NEMP2: variants seen among roughly 807,000 people sequenced by gnomAD.
NEMP2 encodes UPF0571 transmembrane protein.
NEMP2 carries 53 observed loss-of-function variants against 54.2 expected under a neutral mutation model. The ratio of observed to expected loss-of-function variants is 0.98; its 90% CI spans 0.78 to 1.23. The LOEUF (loss-of-function observed/expected upper bound fraction) is 1.23. NEMP2 is among the 50% of genes most tolerant of loss of function. NEMP2 has a pLI of 0.00. For missense variants in NEMP2, 455 were observed against 511.3 expected (o/e 0.89, Z 1.06); for synonymous variants, 197 against 190.3 (o/e 1.04, Z -0.29).
the NEMP2 span, among the ~76,000 whole-genome samples, chr2:190,449,662 A>AC: frequency 0.25 from 38,580 of 152,012 alleles, 5,413 homozygotes; most frequent in South Asian, 0.33. Flanking sequence ...TAGCACATAT[A>AC]ACCATGAAAT....
rs538378699 is a variant in NEMP2 at position 190,521,087 on chromosome 2, T to C, written c.214-1904A>G. On this transcript the variant is annotated intron_variant, in intron 2 of 8. Coordinates refer to ENST00000409150, the MANE Select transcript of NEMP2 (RefSeq NM_001142645.2). This position sits in a 1 kb window ranked among gnomAD's most constrained non-coding sequence, Gnocchi z 6.2. The stretch of plus-strand genomic sequence containing the variant: ...GCACACTGGTCTCACTTCAAATCCA[T>C]GACTGTGAACTTAAGAGAGGGACAT... Among the ~76,000 whole-genome samples the C allele has an allele frequency of 6.6e-6, 1 of 152,332 alleles. No homozygotes were observed. The highest frequency in any genetic ancestry group is 1.9e-4 in the East Asian group (1 of 5,188).
rs927186197 is a variant in NEMP2 at position 190,523,212 on chromosome 2, G to C, written c.213+2051C>G. On this transcript the variant is annotated intron_variant, in intron 2 of 8. Transcript: ENST00000409150. This position sits in a 1 kb window ranked among gnomAD's most constrained non-coding sequence, Gnocchi z 5.3. ...GAATAATATAACCAGACTGAAGGGGGAGTGGATTGGGATGAATTAACCTAA... is the reference window on the plus strand; with the variant it reads ...GAATAATATAACCAGACTGAAGGGGCAGTGGATTGGGATGAATTAACCTAA... Among the ~76,000 whole-genome samples, 5 of 152,124 alleles carry C rather than the reference G, an allele frequency of 3.3e-5. No individual in the cohort carries two copies. Among genetic ancestry groups the C allele is most frequent in the African/African-American group, 4.8e-5 (2 of 41,412 alleles).
chr2:190,472,369 A>T, the NEMP2 span, among the ~76,000 whole-genome samples: 2 of 152,218 alleles, frequency 1.3e-5, no homozygotes, highest in Admixed American at 6.5e-5. Context: ...TAACTACAAT[A>T]ACCAATGCAG....
At chr2:190,619,093 T>C in the NEMP2 span, among the ~76,000 whole-genome samples, 32 of 152,278 alleles carry the variant, frequency 2.1e-4, no homozygotes, top group East Asian at 4.4e-3. This position sits in a 1 kb window ranked among gnomAD's most constrained non-coding sequence, Gnocchi z 5.5. Flanking sequence ...TTAAGACTCA[T>C]AGTAGGACAG....
At chr2:190,516,103 C>G (rs1054765324) in intron 6 of NEMP2, among the ~76,000 whole-genome samples, 167 bp downstream of exon 6, 1 of 152,050 alleles carries the variant, frequency 6.6e-6, no homozygotes, top group Non-Finnish European at 1.5e-5. Context: ...GAACTGAAAT[C>G]AACAACAATG....
rs1690445252 is a variant in NEMP2 at position 190,513,549 on chromosome 2, C to G, written c.953+904G>C. Reference sequence around the variant, plus strand: ...CCAACTAAAATGTCTCATGGTTAAACCCCACTGTGTACAGGACTGGACTAG... The same window carrying G: ...CCAACTAAAATGTCTCATGGTTAAAGCCCACTGTGTACAGGACTGGACTAG... On this transcript the variant is annotated intron_variant, in intron 7 of 8. Transcript: ENST00000409150. The surrounding 1 kb of genome is among the most constrained non-coding windows in gnomAD (Gnocchi z 5.3). 6.6e-6 allele frequency among the ~76,000 whole-genome samples: 1 copy of G among 152,210 alleles called. No homozygotes were observed. The highest frequency in any genetic ancestry group is 2.1e-4 in the South Asian group (1 of 4,830).
the NEMP2 span, among the ~76,000 whole-genome samples, chr2:190,600,096 C>T: frequency 1.3e-4 from 20 of 152,136 alleles, no homozygotes; most frequent in African/African-American, 3.6e-4. This position sits in a 1 kb window ranked among gnomAD's most constrained non-coding sequence, Gnocchi z 4.9. Flanking sequence ...AATTAGTTTT[C>T]GAAGGTTTCT....
the NEMP2 span, among the ~76,000 whole-genome samples, chr2:190,582,496 T>C: frequency 3.3e-5 from 5 of 152,178 alleles, no homozygotes; most frequent in Admixed American, 1.3e-4. This position sits in a 1 kb window ranked among gnomAD's most constrained non-coding sequence, Gnocchi z 4.6. Context: ...TAAACTATGA[T>C]GTAAGGCTTT....
chr2:190,480,586 C>T, the NEMP2 span, among the ~76,000 whole-genome samples: 1 of 152,242 alleles, frequency 6.6e-6, no homozygotes. Flanking sequence ...ACCCTCACCT[C>T]ACTCTATAAG....
the NEMP2 span, chr2:190,465,072 C>A: frequency 4.1e-6 from 1 of 245,494 alleles, no homozygotes; most frequent in Non-Finnish European, 6.5e-6. This position sits in a 1 kb window ranked among gnomAD's most constrained non-coding sequence, Gnocchi z 4.6. Flanking sequence ...TATAAGATAA[C>A]CACAAATCAG....
At chr2:190,616,781 T>A in the NEMP2 span, 1 of 152,190 alleles carries the variant, frequency 6.6e-6, no homozygotes, top group Non-Finnish European at 1.5e-5. This position sits in a 1 kb window ranked among gnomAD's most constrained non-coding sequence, Gnocchi z 5.1. Flanking sequence ...AGTAATGTTT[T>A]ATAACATTTT....
At chr2:190,592,081 C>T in the NEMP2 span, among the ~76,000 whole-genome samples, 1 of 152,042 alleles carries the variant, frequency 6.6e-6, no homozygotes, top group South Asian at 2.1e-4. This position sits in a 1 kb window ranked among gnomAD's most constrained non-coding sequence, Gnocchi z 4.4. Flanking sequence ...TGCATATAGT[C>T]CTGTATTCTA....
At chr2:190,627,099 T>C in the NEMP2 span, among the ~76,000 whole-genome samples, 6 of 152,336 alleles carry the variant, frequency 3.9e-5, no homozygotes, top group South Asian at 1.2e-3. The surrounding 1 kb of genome is among the most constrained non-coding windows in gnomAD (Gnocchi z 4.4). Flanking sequence ...TTGGCAGTTA[T>C]GGTACTTTCT....
chr2:190,591,404 C>A, the NEMP2 span, among the ~76,000 whole-genome samples: 1 of 152,126 alleles, frequency 6.6e-6, no homozygotes, highest in Non-Finnish European at 1.5e-5. This position sits in a 1 kb window ranked among gnomAD's most constrained non-coding sequence, Gnocchi z 5.4. Flanking sequence ...TATTGTGATT[C>A]CACCTCCATG....
chr2:190,457,511 T>C, the NEMP2 span, among the ~76,000 whole-genome samples: 1 of 152,318 alleles, frequency 6.6e-6, no homozygotes, highest in South Asian at 2.1e-4. This position sits in a 1 kb window ranked among gnomAD's most constrained non-coding sequence, Gnocchi z 5.1. Context: ...ATAGGGGATG[T>C]GTTTTATGAT....
chr2:190,512,853 T>C lies in NEMP2; in HGVS notation c.953+1600A>G, dbSNP rs1322085556. ...CTGCTGCCTTTCAGCCCCGCCAGCA[T>C]CTTCTGTGCGGGCTCCCTGTCCTGT... is the stretch of plus-strand genomic sequence containing the variant. On this transcript the variant is annotated intron_variant, in intron 7 of 8. Coordinates refer to ENST00000409150, the MANE Select transcript of NEMP2 (RefSeq NM_001142645.2). The surrounding 1 kb of genome is among the most constrained non-coding windows in gnomAD (Gnocchi z 4.5). Among the ~76,000 whole-genome samples the C allele has an allele frequency of 2.0e-5, 3 of 152,216 alleles. No individual in the cohort carries two copies. The highest frequency in any genetic ancestry group is 7.2e-5 in the African/African-American group (3 of 41,468).
At chr2:190,459,799 G>C in the NEMP2 span, among the ~76,000 whole-genome samples, 4 of 152,216 alleles carry the variant, frequency 2.6e-5, no homozygotes, top group Non-Finnish European at 4.4e-5. The surrounding 1 kb of genome is among the most constrained non-coding windows in gnomAD (Gnocchi z 5.3). Flanking sequence ...AGCTAGTAGA[G>C]ACTCAGACCC....
At chr2:190,421,533 TTTTA>T in the NEMP2 span, among the ~76,000 whole-genome samples, 7 of 152,258 alleles carry the variant, frequency 4.6e-5, no homozygotes, top group Admixed American at 1.3e-4. Context: ...TCTGTGCTCT[TTTTA>T]TTTCTCTTCC....
At chr2:190,511,161 G>A (rs1690350869) in intron 7 of NEMP2, among the ~76,000 whole-genome samples, 1 of 151,970 alleles carries the variant, frequency 6.6e-6, no homozygotes, top group Non-Finnish European at 1.5e-5. Context: ...AGCTTGTTTT[G>A]TTTTGTTTTT....
Sources: allele counts gnomAD v4.1 joint callset (sites outside exome capture counted in the v4.1 genomes callset), GRCh38; gene constraint gnomAD v4.1.1; non-coding constraint Gnocchi (gnomAD v3.1); transcripts MANE v1.5; gene names NCBI Gene and HGNC (gene_info 2026-07-23, HGNC 2026-07-21).